Variants in RRM2 observed in about 807,000 individuals in gnomAD.
The protein encoded by RRM2 is ribonucleotide reductase regulatory subunit M2.
A neutral mutation model predicts 45.9 loss-of-function variants in RRM2; 6 were observed. The ratio of observed to expected loss-of-function variants is 0.13; its 90% CI spans 0.07 to 0.26. The LOEUF is 0.26. RRM2 is among the 10% of genes least tolerant of loss of function. RRM2 has a pLI of 1.00. For missense variants in RRM2, 343 were observed against 489.5 expected, an observed-to-expected ratio of 0.70 and a Z score of 2.82; for synonymous variants, 177 against 173.0, an observed-to-expected ratio of 1.02 and a Z score of -0.18.
intron 3 of RRM2, among the ~76,000 whole-genome samples, chr2:10,190,146 ATGG>A (rs1664257621): frequency 7.2e-6 from 1 of 137,942 alleles, no homozygotes; most frequent in African/African-American, 2.7e-5. Flanking sequence ...GATGGTGGTG[ATGG>A]TGGTATTGGT....
At chr2:10,142,476 C>A in intron 3 of RRM2, 1 of 1,149,914 alleles carries the variant, frequency 8.7e-7, no homozygotes, top group Non-Finnish European at 1.2e-6. Context: ...GTGTACAGGG[C>A]CCCCACGCAC....
chr2:10,170,341 C>T (rs1485012673), intron 3 of RRM2, among the ~76,000 whole-genome samples: 1 of 152,158 alleles, frequency 6.6e-6, no homozygotes, highest in Non-Finnish European at 1.5e-5. Context: ...TAAATGTCCT[C>T]CCTCCTCAAG....
rs201003533 is a variant in RRM2, at chr2:10,126,140, CAG to C, written c.570-732_570-731del. Among the ~76,000 whole-genome samples the C allele has an allele frequency of 1.5e-4, 18 of 118,466 alleles. No individual in the cohort carries two copies. In the East Asian group the frequency reaches 4.4e-3, roughly 29 times the overall value. The allele number at this position is 118,466 out of a possible 152,430, so 77.7% of individuals were successfully genotyped here. On this transcript the variant is annotated intron_variant, in intron 5 of 9. Transcript: ENST00000304567. ...TCTCGCTGCACTCTAGCCTGGGCAA[CAG>C]AGTGAGACCCTCATCTCTTTAAAAA...
exon 4 of RRM2, chr2:10,210,941 G>A (rs955604454): frequency 2.4e-5 from 5 of 207,814 alleles, no homozygotes; most frequent in Non-Finnish European, 2.9e-5. Context: ...CAAACCTGCC[G>A]GCACCTTGCT....
upstream of RRM2, among the ~76,000 whole-genome samples, chr2:10,138,141 C>G (rs1663022625): frequency 6.6e-6 from 1 of 151,602 alleles, no homozygotes; most frequent in Non-Finnish European, 1.5e-5. Flanking sequence ...GCTGGAATTA[C>G]AGGCTCCTGC....
intron 3 of RRM2, among the ~76,000 whole-genome samples, chr2:10,175,656 G>T (rs1486461497): frequency 2.0e-5 from 3 of 152,184 alleles, no homozygotes; most frequent in Non-Finnish European, 4.4e-5. Flanking sequence ...GGAGTGCAGT[G>T]GCGCAATCTC....
rs1311422665 is a variant in RRM2, at chr2:10,169,767, G to A, written n.482+27392G>A. Among the ~76,000 whole-genome samples, 1 of 152,212 alleles carries A rather than the reference G, an allele frequency of 6.6e-6. No individual in the cohort carries two copies. The highest frequency in any genetic ancestry group is 1.5e-5 in the Non-Finnish European group (1 of 68,024). ...TCCGCACTGGGCTTCCTGAGGACGG[G>A]AGCAGGAGCAGGAGGCTGAGGCCAG... On this transcript the variant is annotated intron_variant and non_coding_transcript_variant, in intron 3 of 3. Transcript: ENST00000381786. The surrounding 1 kb of genome is among the most constrained non-coding windows in gnomAD (Gnocchi z 5.1).
chr2:10,127,372 A>G lies in RRM2; in HGVS notation c.798+152A>G. On this transcript the variant is annotated intron_variant, in intron 7 of 9. Coordinates refer to ENST00000304567, the MANE Select transcript of RRM2 (RefSeq NM_001034.4). The surrounding 1 kb of genome is among the most constrained non-coding windows in gnomAD (Gnocchi z 4.1). ...ATACACATACTTGACAAAAGAAGGAAATACTTTCATTTACTGAAACTGTTT... is the reference window on the plus strand; with the variant it reads ...ATACACATACTTGACAAAAGAAGGAGATACTTTCATTTACTGAAACTGTTT... 1 of 724,896 alleles carries G rather than the reference A, an allele frequency of 1.4e-6. No homozygotes were observed. The highest frequency in any genetic ancestry group is 2.2e-6 in the Non-Finnish European group (1 of 451,758). 44.9% of individuals were successfully genotyped at this position (724,896 alleles called of 1,614,324 possible).
At chr2:10,177,636 A>G (rs983102757) in intron 3 of RRM2, among the ~76,000 whole-genome samples, 5 of 151,358 alleles carry the variant, frequency 3.3e-5, no homozygotes, top group African/African-American at 1.2e-4. Context: ...CAATGCTACA[A>G]GGATCCCTCC....
intron 3 of RRM2, among the ~76,000 whole-genome samples, chr2:10,152,956 T>A (rs1663347740): frequency 6.6e-6 from 1 of 152,194 alleles, no homozygotes; most frequent in Non-Finnish European, 1.5e-5. Flanking sequence ...CACCACCTTG[T>A]AAAGATAGCT....
chr2:10,140,510 G>A (rs1051214641), upstream of RRM2, among the ~76,000 whole-genome samples: 3 of 152,210 alleles, frequency 2.0e-5, no homozygotes, highest in Admixed American at 6.5e-5. Context: ...GACCTGATGG[G>A]AAAGTAGTGG....
At chr2:10,139,369 G>A (rs544052646), upstream of RRM2, among the ~76,000 whole-genome samples, 1 of 152,364 alleles carries the variant, frequency 6.6e-6, no homozygotes, top group East Asian at 1.9e-4. Flanking sequence ...GGGCAGCAGA[G>A]GATGGGTCTT....
At chr2:10,190,921 C>T (rs111807149) in intron 3 of RRM2, among the ~76,000 whole-genome samples, 4,393 of 152,206 alleles carry the variant, frequency 0.029, 219 homozygotes, top group African/African-American at 0.1. Context: ...CGCACTTCCT[C>T]TTCTCTAGCT....
At position 10,129,339 on chromosome 2, in the gene RRM2, A is replaced by G; in HGVS notation, c.1123A>G (p.Met375Val). The G allele has an allele frequency of 6.2e-7, 1 of 1,614,092 alleles. No homozygotes were observed. The highest frequency in any genetic ancestry group is 8.5e-7 in the Non-Finnish European group (1 of 1,180,002). ...RVGEYQRMGV[M>V]SSPTENSFTL... ...AGGCGAGTATCAGAGGATGGGAGTG[A>G]TGTCAAGTCCAACAGAGAATTCTTT... Residue 375 changes from methionine (M) to valine (V), a missense_variant, in exon 10 of 10, where the codon ATG (methionine) becomes GTG (valine). Physicochemically the swap from Met to Val is conservative, Grantham distance 21 (BLOSUM62 1). Transcript: ENST00000304567. The surrounding 1 kb of genome is among the most constrained non-coding windows in gnomAD (Gnocchi z 4.8).
At chr2:10,181,822 T>G (rs542299046) in intron 3 of RRM2, among the ~76,000 whole-genome samples, 17 of 142,380 alleles carry the variant, frequency 1.2e-4, no homozygotes, top group Admixed American at 2.3e-4. Flanking sequence ...TGGAGTGCAG[T>G]GTTGCGATCA....
chr2:10,146,525 G>A (rs892759540), intron 3 of RRM2, among the ~76,000 whole-genome samples: 3 of 152,250 alleles, frequency 2.0e-5, no homozygotes, highest in South Asian at 4.1e-4. Flanking sequence ...CCATTCAGCC[G>A]TTGCACGGAC....
chr2:10,147,780 T>C (rs368981724), intron 3 of RRM2, among the ~76,000 whole-genome samples: 39 of 152,330 alleles, frequency 2.6e-4, no homozygotes, highest in East Asian at 1.3e-3. Flanking sequence ...TGTTTGTCTT[T>C]AAAATGTACT....
At position 10,202,767 on chromosome 2, in the gene RRM2, C is replaced by T. The variant is rs555147366; in HGVS notation, n.483-7544C>T. On this transcript the variant is annotated intron_variant and non_coding_transcript_variant, in intron 3 of 3. Transcript: ENST00000381786. ...GGGGTGGATTTAGGTGGTTTTTAAT[C>T]AAGAGGAACTTAAAATGGCAGTGTT... Among the ~76,000 whole-genome samples the T allele has an allele frequency of 1.4e-4, 22 of 152,236 alleles. 1 individual carries two copies. The South Asian group carries it at 2.3e-3, about 16-fold the overall frequency.
intron 3 of RRM2, among the ~76,000 whole-genome samples, chr2:10,181,975 A>C (rs971399102): frequency 6.6e-6 from 1 of 151,934 alleles, no homozygotes; most frequent in African/African-American, 2.4e-5. Flanking sequence ...TATGTTGCCC[A>C]GGCTGGTCTT....
Sources: gnomAD v4.1 joint callset for allele counts (sites outside exome capture counted in the v4.1 genomes callset) on GRCh38, gnomAD v4.1.1 for gene constraint, Gnocchi (gnomAD v3.1) non-coding constraint, MANE v1.5 for transcripts, NCBI Gene and HGNC (gene_info 2026-07-23, HGNC 2026-07-21) for gene names.